GPHN: variants seen among roughly 807,000 people sequenced by gnomAD.
GPHN encodes gephyrin.
In GPHN, 17 loss-of-function variants were observed where a neutral mutation model predicts 95.5. That is an observed-to-expected ratio of 0.18 (90% confidence interval 0.12 to 0.27). The LOEUF is 0.27. GPHN is among the 10% of genes least tolerant of loss of function. GPHN has a pLI of 1.00. For synonymous variants in GPHN, 320 were observed against 322.5 expected, an observed-to-expected ratio of 0.99 and a Z score of 0.08; for missense variants, 660 against 978.1, an observed-to-expected ratio of 0.67 and a Z score of 4.34.
the GPHN span, chr14:67,205,106 A>G: frequency 6.5e-7 from 1 of 1,537,956 alleles, no homozygotes; most frequent in South Asian, 1.2e-5. Context: ...GTCACTGAAG[A>G]CTTTCATGCT....
At chr14:67,274,747 T>C in the GPHN span, among the ~76,000 whole-genome samples, 1 of 152,302 alleles carries the variant, frequency 6.6e-6, no homozygotes, top group East Asian at 1.9e-4. Flanking sequence ...ATTCTTCCCA[T>C]CCATGAGCAT....
the GPHN span, among the ~76,000 whole-genome samples, chr14:67,464,222 C>T: frequency 1.5e-4 from 23 of 152,152 alleles, no homozygotes; most frequent in Admixed American, 9.2e-4. Flanking sequence ...ATCCATATTT[C>T]CAGTCCCGCT....
At chr14:67,053,131 C>A (rs2075382263) in intron 10 of GPHN, among the ~76,000 whole-genome samples, 1 of 133,192 alleles carries the variant, frequency 7.5e-6, no homozygotes, top group South Asian at 2.3e-4. Flanking sequence ...GAGATAGAGA[C>A]ACGAAAAACC....
chr14:66,939,009 G>T (rs761253124), intron 8 of GPHN, among the ~76,000 whole-genome samples: 1 of 152,130 alleles, frequency 6.6e-6, no homozygotes, highest in Non-Finnish European at 1.5e-5. Context: ...GAATTAATTT[G>T]AACTTTTATC....
At chr14:67,451,928 G>C in the GPHN span, among the ~76,000 whole-genome samples, 7 of 152,200 alleles carry the variant, frequency 4.6e-5, no homozygotes, top group Non-Finnish European at 1.0e-4. Context: ...CATAATTCCC[G>C]TGTGTTGTGG....
At chr14:67,524,557 C>A in the GPHN span, among the ~76,000 whole-genome samples, 2 of 152,150 alleles carry the variant, frequency 1.3e-5, no homozygotes, top group African/African-American at 4.8e-5. Context: ...GGACCACACC[C>A]AGCTAGCTTC....
the GPHN span, chr14:67,340,136 C>A: frequency 3.9e-6 from 1 of 258,010 alleles, no homozygotes; most frequent in Non-Finnish European, 7.6e-6. Context: ...CCTTGTTCTA[C>A]TCTTTCCCCA....
chr14:67,454,008 C>T, the GPHN span: 1 of 152,364 alleles, frequency 6.6e-6, no homozygotes, highest in African/African-American at 2.4e-5. Context: ...AGAGCGAGGG[C>T]TGGCTTGAAG....
At chr14:67,073,064 A>G (rs543673791) in intron 11 of GPHN, among the ~76,000 whole-genome samples, 1 of 152,032 alleles carries the variant, frequency 6.6e-6, no homozygotes, top group South Asian at 2.1e-4. Flanking sequence ...CTGCATATAA[A>G]CTTTGTTTTT....
intron 10 of GPHN, among the ~76,000 whole-genome samples, chr14:67,030,455 G>T (rs951032827): frequency 2.0e-5 from 3 of 151,948 alleles, no homozygotes; most frequent in Admixed American, 1.3e-4. Context: ...CCTTAAAATT[G>T]CTTACTATTG....
At chr14:67,374,320 A>G in the GPHN span, 1 of 452,924 alleles carries the variant, frequency 2.2e-6, no homozygotes, top group Non-Finnish European at 4.0e-6. Flanking sequence ...TCAGCCTTGT[A>G]ATACTTATGC....
intron 9 of GPHN, among the ~76,000 whole-genome samples, chr14:67,020,381 A>G (rs2073548358): frequency 6.6e-6 from 1 of 152,166 alleles, no homozygotes; most frequent in Non-Finnish European, 1.5e-5. Flanking sequence ...ACCTAAGCAT[A>G]AGGTAAGTGA....
At chr14:67,608,299 C>T in the GPHN span, among the ~76,000 whole-genome samples, 1 of 152,106 alleles carries the variant, frequency 6.6e-6, no homozygotes, top group Non-Finnish European at 1.5e-5. Flanking sequence ...TTTTTCTTGC[C>T]ATCATTCCCT....
intron 12 of GPHN, 58 bp downstream of exon 12, chr14:67,089,133 C>CTTT (rs1163483546): frequency 1.3e-3 from 264 of 200,094 alleles, no homozygotes; most frequent in Middle Eastern, 1.6e-3. Context: ...TTCTTTTTTT[C>CTTT]TTTTTTTTTT....
chr14:66,655,802 A>G (rs547902131), intron 1 of GPHN, among the ~76,000 whole-genome samples: 4 of 151,936 alleles, frequency 2.6e-5, no homozygotes, highest in South Asian at 2.1e-4. Context: ...GAGAATTTTT[A>G]TCATGAATTG....
chr14:66,581,733 G>C (rs948467127), intron 1 of GPHN, among the ~76,000 whole-genome samples: 1 of 151,708 alleles, frequency 6.6e-6, no homozygotes, highest in Non-Finnish European at 1.5e-5. Flanking sequence ...CCAAAAGAAA[G>C]CAGGAGTAGC....
chr14:66,983,761 C>G (rs1049136899), intron 9 of GPHN, among the ~76,000 whole-genome samples: 1 of 152,058 alleles, frequency 6.6e-6, no homozygotes, highest in African/African-American at 2.4e-5. Flanking sequence ...TCTATACTTG[C>G]ATTTGGAACT....
At chr14:66,992,894 C>T (rs1331155366) in intron 9 of GPHN, among the ~76,000 whole-genome samples, 4 of 152,110 alleles carry the variant, frequency 2.6e-5, no homozygotes, top group Non-Finnish European at 5.9e-5. Context: ...TTGCACATAA[C>T]CTGCAGTTAC....
the GPHN span, among the ~76,000 whole-genome samples, chr14:67,319,013 G>C: frequency 6.6e-6 from 1 of 151,386 alleles, no homozygotes; most frequent in African/African-American, 2.4e-5. Context: ...AGCCGAGATC[G>C]CGCCACTGCA....
Sources: allele counts gnomAD v4.1 joint callset (sites outside exome capture counted in the v4.1 genomes callset), GRCh38; gene constraint gnomAD v4.1.1; transcripts MANE v1.5; gene names NCBI Gene and HGNC (gene_info 2026-07-23, HGNC 2026-07-21).